The following RPLP0 variants were observed in gnomAD, a reference collection of about 807,000 sequenced individuals.
RPLP0 encodes large ribosomal subunit protein uL10.
For synonymous variants in RPLP0, 137 were observed against 153.4 expected (o/e 0.89, Z 0.79); for missense variants, 276 against 402.9 (o/e 0.69, Z 2.70).
chr12:120,197,258 G>A (rs1879216792), intron 7 of RPLP0, 64 bp downstream of exon 7: 9 of 1,432,960 alleles, frequency 6.3e-6, no homozygotes, highest in Admixed American at 3.4e-5. Flanking sequence ...TAAGGTAGAA[G>A]GCCACATCAC....
In RPLP0 at chr12:120,200,742, G is replaced by A. The variant is rs745835839; in HGVS notation, c.42C>T (p.Phe14=). The A allele has an allele frequency of 3.7e-6, 6 of 1,611,472 alleles. No individual in the cohort carries two copies. Among genetic ancestry groups the A allele is most frequent in the African/African-American group, 2.7e-5 (2 of 74,870 alleles). Residue 14 remains phenylalanine (F), a synonymous_variant, in exon 2 of 8, where the codon TTC becomes TTT. Transcript: ENST00000392514. ...ACCCTGCACTTACGATGATCTTAAG[G>A]AAGTAGTTGGACTTCCAGGTCGCCC... The part of the protein sequence containing the change: ...EDRATWKSNY[F]LKIIQLLDDY...
intron 6 of RPLP0, 109 bp from the exon 7 acceptor site, chr12:120,197,571 C>G: frequency 7.5e-7 from 1 of 1,336,444 alleles, no homozygotes; most frequent in Middle Eastern, 2.1e-4. Context: ...AGGTTGGCAG[C>G]TCAGTCTCAA....
rs750214756 is a variant in RPLP0 at position 120,199,317 on chromosome 12, G to T, written c.223C>A (p.Leu75Met). Residue 75 changes from leucine to methionine, a missense_variant, in exon 3 of 8, where the codon CTG (leucine) becomes ATG (methionine). By Grantham distance (15) the Leu-to-Met change is conservative. Coordinates refer to ENST00000392514, the MANE Select transcript of RPLP0 (RefSeq NM_001002.4). The part of the protein sequence containing the change: ...IRGHLENNPA[L>M]EKLLPHIRGN... ...ACTGCCAGGGGAACTGACTTCTCCA[G>T]AGCTGGGTTGTTTTCCAGGTGCCCT... 1.9e-6 allele frequency: 3 copies of T among 1,614,080 alleles called. No individual in the cohort carries two copies. The South Asian group carries it at 3.3e-5, about 18-fold the overall frequency.
At chr12:120,197,841 G>T in intron 6 of RPLP0, 1 of 200,514 alleles carries the variant, frequency 5.0e-6, no homozygotes, top group Non-Finnish European at 1.0e-5. Context: ...CCTAAGAGTA[G>T]CTAATAATAT....
At position 120,197,310 on chromosome 12, in the gene RPLP0, G is replaced by C; in HGVS notation, c.792+12C>G. On this transcript the variant is annotated intron_variant, in intron 7 of 7. Transcript: ENST00000392514. ...AGTCAGGCCCACTGTGGTCCTGGTG[G>C]GATCCTTTTACCTTTTCAGCAAGTG... 6.2e-7 allele frequency: 1 copy of C among 1,613,070 alleles called. No individual in the cohort carries two copies. The highest frequency in any genetic ancestry group is 1.1e-5 in the South Asian group (1 of 91,030).
intron 2 of RPLP0, chr12:120,200,252 C>T (rs1322931769): frequency 2.7e-6 from 1 of 376,764 alleles, no homozygotes; most frequent in African/African-American, 2.1e-5. Flanking sequence ...ATCATGAAGT[C>T]AAGAGATCGA....
Position 120,201,066 on chromosome 12 carries a change from C to G in RPLP0, c.-49+17G>C. On this transcript the variant is annotated intron_variant, in intron 1 of 7. Coordinates refer to ENST00000392514, the MANE Select transcript of RPLP0 (RefSeq NM_001002.4). ...CCCGCCGGCGACCCCTGGCGCCCAT[C>G]TAACTAGCACACGAACCTTCCACGA... The G allele has an allele frequency of 2.4e-6, 1 of 422,004 alleles. No individual in the cohort carries two copies. Among genetic ancestry groups the G allele is most frequent in the Non-Finnish European group, 4.2e-6 (1 of 236,974 alleles). The allele number at this position is 422,004 out of a possible 1,614,324, so 26.1% of individuals were successfully genotyped here. A position where few individuals can be genotyped will look rare whatever the true frequency, so the allele number is the denominator to read the frequency against.
chr12:120,200,879 C>T, intron 1 of RPLP0, 48 bp from the exon 2 acceptor site: 1 of 1,523,520 alleles, frequency 6.6e-7, no homozygotes, highest in Non-Finnish European at 8.8e-7. Flanking sequence ...ACACCCATCC[C>T]GCGGTCCCGG....
Position 120,198,019 on chromosome 12 carries a change from C to G in RPLP0, c.651+535G>C, listed in dbSNP as rs1398621125. 3.3e-5 allele frequency among the ~76,000 whole-genome samples: 5 copies of G among 152,110 alleles called. No individual in the cohort carries two copies. The highest frequency in any genetic ancestry group is 7.4e-5 in the Non-Finnish European group (5 of 68,018). On this transcript the variant is annotated intron_variant, in intron 6 of 7. Coordinates refer to ENST00000392514, the MANE Select transcript of RPLP0 (RefSeq NM_001002.4). This position sits in a 1 kb window ranked among gnomAD's most constrained non-coding sequence, Gnocchi z 4.1. ...TGTCAGCTCACCGCAACCTCCACCT[C>G]TTAAAAGGCTTTTGATGGCAAAATG...
At chr12:120,197,963 CTG>C (rs769407977) in intron 6 of RPLP0, among the ~76,000 whole-genome samples, 1 of 151,954 alleles carries the variant, frequency 6.6e-6, no homozygotes. Context: ...GAGTCTCACT[CTG>C]TCACTCAGGC....
Position 120,200,814 on chromosome 12 carries a change from G to T in RPLP0, c.-31C>A, listed in dbSNP as rs1367419525. The T allele has an allele frequency of 6.2e-7, 1 of 1,606,212 alleles. No homozygotes were observed. Among genetic ancestry groups the T allele is most frequent in the Non-Finnish European group, 8.5e-7 (1 of 1,177,250 alleles). On this transcript the variant is annotated 5_prime_UTR_variant, in exon 2 of 8. Transcript: ENST00000392514. The stretch of plus-strand genomic sequence containing the variant: ...CGGTGCGTCAGGGATTGCCACGCAG[G>T]GTTTAAAGACGATGTCACTGAGGAG...
chr12:120,197,743 T>C (rs970868556), intron 6 of RPLP0: 2 of 377,856 alleles, frequency 5.3e-6, no homozygotes, highest in Admixed American at 4.0e-5. Flanking sequence ...ACGACTAACG[T>C]AGCCATTGAG....
intron 6 of RPLP0, chr12:120,197,685 T>C: frequency 3.7e-6 from 2 of 547,400 alleles, no homozygotes; most frequent in Non-Finnish European, 6.5e-6. Flanking sequence ...TATCCATTGT[T>C]GATGGCATTT....
At position 120,199,247 on chromosome 12, in the gene RPLP0, C is replaced by T. The variant is rs775704031; in HGVS notation, c.231-42G>A. ...ATGGGAGACAATCACCTTTCAGCAC[C>T]ATTCTCCAGGAAGAGGGAGACGGGC... is the stretch of plus-strand genomic sequence containing the variant. On this transcript the variant is annotated intron_variant, in intron 3 of 7. Coordinates refer to ENST00000392514, the MANE Select transcript of RPLP0 (RefSeq NM_001002.4). 76 of 1,612,898 alleles carry T rather than the reference C, an allele frequency of 4.7e-5. 1 individual carries two copies. Among genetic ancestry groups the T allele is most frequent in the Middle Eastern group, 1.6e-4 (1 of 6,082 alleles).
At chr12:120,200,150 CCTT>C (rs1197818410) in intron 2 of RPLP0, 8 of 455,424 alleles carry the variant, frequency 1.8e-5, no homozygotes, top group Non-Finnish European at 2.6e-5. Flanking sequence ...TGACCTCAGA[CCTT>C]CTCAAAAATG....
intron 7 of RPLP0, 172 bp from the exon 8 acceptor site, chr12:120,197,106 C>T: frequency 8.4e-7 from 1 of 1,191,584 alleles, no homozygotes; most frequent in Non-Finnish European, 1.2e-6. Context: ...AGGCAGGGTT[C>T]CTAAGGCCCA....
Position 120,198,659 on chromosome 12 carries a change from G to A in RPLP0, c.546C>T (p.Pro182=), listed in dbSNP as rs775222896. ...ATLLNMLNIS[P]FSFGLVIQQV... is the part of the protein sequence containing the mutation. ...GCTGGATGACCAGCCCAAAGGAGAA[G>A]GGGGAGATGTTGAGCATGTTCAGCA... Residue 182 remains proline, a synonymous_variant, in exon 6 of 8, where the codon CCC becomes CCT. Coordinates refer to ENST00000392514, the MANE Select transcript of RPLP0 (RefSeq NM_001002.4). The surrounding 1 kb of genome is among the most constrained non-coding windows in gnomAD (Gnocchi z 4.1). 6 of 1,614,110 alleles carry A rather than the reference G, an allele frequency of 3.7e-6. No individual in the cohort carries two copies. Among genetic ancestry groups the A allele is most frequent in the Middle Eastern group, 1.7e-4 (1 of 6,008 alleles).
chr12:120,197,127 A>T, intron 7 of RPLP0, 193 bp from the exon 8 acceptor site: 2 of 1,069,150 alleles, frequency 1.9e-6, no homozygotes, highest in Non-Finnish European at 2.8e-6. Flanking sequence ...GCTCTTGCCC[A>T]TTAACCCCCT....
At chr12:120,200,366 A>G (rs957888688) in intron 2 of RPLP0, 30 of 325,520 alleles carry the variant, frequency 9.2e-5, no homozygotes, top group Non-Finnish European at 1.4e-4. Flanking sequence ...GGGAGGCTGA[A>G]GCAGGAGAAT....
Sources: allele counts gnomAD v4.1 joint callset (sites outside exome capture counted in the v4.1 genomes callset), GRCh38; gene constraint gnomAD v4.1.1; non-coding constraint Gnocchi (gnomAD v3.1); transcripts MANE v1.5; gene names NCBI Gene and HGNC (gene_info 2026-07-23, HGNC 2026-07-21).